Variants in SDK1 observed in about 807,000 individuals in gnomAD.
The protein encoded by SDK1 is sidekick cell adhesion molecule 1.
SDK1 carries 157 observed loss-of-function variants against 245.5 expected under a neutral mutation model. The observed-to-expected ratio is 0.64, with a 90% CI of 0.56 to 0.73. The LOEUF (loss-of-function observed/expected upper bound fraction) is 0.73. SDK1 is among the 30% of genes least tolerant of loss of function. SDK1 has a pLI of 0.00. For synonymous variants in SDK1, 1,647 were observed against 1,278.5 expected, an observed-to-expected ratio of 1.29 and a Z score of -6.15; for missense variants, 3,583 against 3,002.3, an observed-to-expected ratio of 1.19 and a Z score of -4.52.
chr7:4,248,296 A>G (rs1375739933), intron 44 of SDK1, among the ~76,000 whole-genome samples: 1 of 151,950 alleles, frequency 6.6e-6, no homozygotes, highest in African/African-American at 2.4e-5. Flanking sequence ...ACGCACACAT[A>G]TCTATACATA....
intron 1 of SDK1, among the ~76,000 whole-genome samples, chr7:3,373,394 A>G (rs1781275091): frequency 6.6e-6 from 1 of 152,240 alleles, no homozygotes; most frequent in Non-Finnish European, 1.5e-5. Flanking sequence ...AATTATGAAC[A>G]AGTCAATGAC....
chr7:3,353,026 A>T (rs995779375), intron 1 of SDK1, among the ~76,000 whole-genome samples: 7 of 152,180 alleles, frequency 4.6e-5, no homozygotes, highest in African/African-American at 7.2e-5. Context: ...TTTTCTGGTG[A>T]TCATATCCCA....
At chr7:3,931,794 C>A (rs1779987908) in intron 5 of SDK1, among the ~76,000 whole-genome samples, 1 of 152,174 alleles carries the variant, frequency 6.6e-6, no homozygotes, top group Non-Finnish European at 1.5e-5. Context: ...ATAGGTTGAA[C>A]AGAGACCAAG....
At position 4,137,695 on chromosome 7, in the gene SDK1, C is replaced by T. The variant is rs189730149; in HGVS notation, c.4228+5272C>T. On this transcript the variant is annotated intron_variant, in intron 28 of 44. Transcript: ENST00000404826. ...CTTAAAAACAGGGCTCCTCGTAAGC[C>T]GCATTTTACTGCTGCTATTGATTCG... is the stretch of plus-strand genomic sequence containing the variant. Among the ~76,000 whole-genome samples, 405 of 152,336 alleles carry T rather than the reference C, an allele frequency of 2.7e-3. 1 individual carries two copies. Among genetic ancestry groups the T allele is most frequent in the African/African-American group, 8.7e-3 (362 of 41,574 alleles).
chr7:3,388,528 A>G (rs1781666298), intron 1 of SDK1, among the ~76,000 whole-genome samples: 1 of 152,130 alleles, frequency 6.6e-6, no homozygotes, highest in South Asian at 2.1e-4. Flanking sequence ...AGCTTCCCAA[A>G]GAATTGTTAT....
At chr7:3,481,536 A>G (rs1201153339) in intron 1 of SDK1, among the ~76,000 whole-genome samples, 1 of 152,246 alleles carries the variant, frequency 6.6e-6, no homozygotes, top group African/African-American at 2.4e-5. Context: ...GGGTCCAGCC[A>G]GTGAGAAACG....
chr7:3,435,248 A>G (rs891922142), intron 1 of SDK1, among the ~76,000 whole-genome samples: 3 of 148,712 alleles, frequency 2.0e-5, no homozygotes, highest in Non-Finnish European at 3.0e-5. Context: ...AAAACAGATT[A>G]TACTGGAGAG....
At chr7:4,194,196 A>C (rs1016386422) in intron 35 of SDK1, among the ~76,000 whole-genome samples, 2 of 152,104 alleles carry the variant, frequency 1.3e-5, no homozygotes, top group African/African-American at 2.4e-5. Context: ...AATAGGAGAG[A>C]GAGCGAGAGA....
intron 1 of SDK1, among the ~76,000 whole-genome samples, chr7:3,543,071 T>C (rs999871532): frequency 4.6e-5 from 7 of 152,230 alleles, no homozygotes; most frequent in African/African-American, 1.7e-4. Context: ...TTAGGCATAA[T>C]TCCTATTTGT....
chr7:4,180,409 C>T (rs1484461481), intron 35 of SDK1, among the ~76,000 whole-genome samples: 1 of 150,568 alleles, frequency 6.6e-6, no homozygotes, highest in African/African-American at 2.5e-5. Context: ...CGCCTGGCTC[C>T]AGCTCTATGC....
intron 1 of SDK1, among the ~76,000 whole-genome samples, chr7:3,318,370 C>T (rs1451084128): frequency 6.6e-6 from 1 of 152,198 alleles, no homozygotes; most frequent in Admixed American, 6.5e-5. Flanking sequence ...GTCTGTGTTT[C>T]AGGTGCTCAT....
intron 21 of SDK1, among the ~76,000 whole-genome samples, chr7:4,079,091 G>A (rs1373538158): frequency 1.3e-5 from 2 of 152,210 alleles, no homozygotes; most frequent in African/African-American, 2.4e-5. Context: ...CTCGTTCTCT[G>A]TGTGGTTTGA....
At chr7:3,760,727 C>T (rs867601805) in intron 4 of SDK1, among the ~76,000 whole-genome samples, 18 of 152,300 alleles carry the variant, frequency 1.2e-4, no homozygotes, top group African/African-American at 4.1e-4. Flanking sequence ...TAACCGGCTC[C>T]TGGCAACCAC....
At chr7:3,356,018 T>C (rs1481562293) in intron 1 of SDK1, among the ~76,000 whole-genome samples, 1 of 152,204 alleles carries the variant, frequency 6.6e-6, no homozygotes, top group East Asian at 1.9e-4. Flanking sequence ...AGACACCTTA[T>C]AGTGCTTATA....
At chr7:3,438,689 GT>G (rs1243330940) in intron 1 of SDK1, among the ~76,000 whole-genome samples, 1 of 152,080 alleles carries the variant, frequency 6.6e-6, no homozygotes, top group Non-Finnish European at 1.5e-5. Context: ...GCCAACCCAA[GT>G]TTTTGATTCT....
At chr7:4,124,140 G>A (rs974134293) in intron 25 of SDK1, among the ~76,000 whole-genome samples, 8 of 152,250 alleles carry the variant, frequency 5.3e-5, no homozygotes, top group African/African-American at 9.6e-5. Context: ...GTGGTGAGGC[G>A]AGAAGCTTCC....
At chr7:3,920,363 T>C (rs899274125) in intron 5 of SDK1, among the ~76,000 whole-genome samples, 1 of 150,808 alleles carries the variant, frequency 6.6e-6, no homozygotes, top group African/African-American at 2.4e-5. Flanking sequence ...GAGACAGGAG[T>C]GGTAAGAGGG....
intron 5 of SDK1, among the ~76,000 whole-genome samples, chr7:3,860,876 A>G (rs934316405): frequency 1.3e-5 from 2 of 152,202 alleles, no homozygotes; most frequent in Non-Finnish European, 2.9e-5. Context: ...GACCAAAAAA[A>G]CTTGATCAGC....
chr7:3,353,931 C>G (rs1780726232), intron 1 of SDK1, among the ~76,000 whole-genome samples: 1 of 152,004 alleles, frequency 6.6e-6, no homozygotes. Context: ...AACTGACTTG[C>G]TCAGGGAACA....
Sources: gnomAD v4.1 joint callset for allele counts (sites outside exome capture counted in the v4.1 genomes callset) on GRCh38, gnomAD v4.1.1 for gene constraint, MANE v1.5 for transcripts, NCBI Gene and HGNC (gene_info 2026-07-23, HGNC 2026-07-21) for gene names.